The following CTSH variants were observed in gnomAD, a reference collection of about 807,000 sequenced individuals.
CTSH encodes the protein pro-cathepsin H.
In CTSH, 52 loss-of-function variants were observed where a neutral mutation model predicts 56.3. The observed-to-expected ratio is 0.92, with a 90% confidence interval of 0.74 to 1.16. The LOEUF is 1.16. Among genes scored for constraint, CTSH ranks in the 50% most tolerant of loss-of-function variants. The probability of loss-of-function intolerance (pLI) is 0.00; values close to 1 mark genes in which losing one functional copy is unlikely to be tolerated. For synonymous variants in CTSH, 174 were observed against 155.7 expected (o/e 1.12, Z -0.88); for missense variants, 406 against 424.5 (o/e 0.96, Z 0.38).
Position 78,937,410 on chromosome 15 carries a change from T to C in CTSH, c.137A>G (p.Tyr46Cys), listed in dbSNP as rs147145865. The change falls in exon 3 of 12, where the codon TAC becomes TGC. Residue 46 changes from tyrosine to cysteine, a missense_variant. By Grantham distance (194) the Tyr-to-Cys change is radical. Transcript: ENST00000220166. Reference sequence around the variant, plus strand: ...CCTGTGGTGGTACTCCTCCGTACTGTAGGTCTTACGGTGCTAAAACAAAAC... The same window carrying C: ...CCTGTGGTGGTACTCCTCCGTACTGCAGGTCTTACGGTGCTAAAACAAAAC... ...KSWMSKHRKT[Y>C]STEEYHHRLQ... 1 of 1,614,142 alleles carries C rather than the reference T, an allele frequency of 6.2e-7. No individual in the cohort carries two copies. The highest frequency in any genetic ancestry group is 1.1e-5 in the South Asian group (1 of 91,084).
At position 78,944,687 on chromosome 15, in the gene CTSH, G is replaced by A. The variant is rs539310952; in HGVS notation, c.91+204C>T. ...GGACACTCAGCCCATCTGCTCCTCT[G>A]GTCCTACAAGCCGCCCACCCTCCGA... On this transcript the variant is annotated intron_variant, in intron 1 of 11. Coordinates refer to ENST00000220166, the MANE Select transcript of CTSH (RefSeq NM_004390.5). The A allele has an allele frequency of 5.9e-5, 59 of 997,072 alleles. No homozygotes were observed. The South Asian group carries it at 1.2e-3, about 21-fold the overall frequency. 61.8% of individuals were successfully genotyped at this position (997,072 alleles called of 1,614,324 possible). A position where few individuals can be genotyped will look rare whatever the true frequency, so the allele number is the denominator to read the frequency against.
intron 1 of CTSH, among the ~76,000 whole-genome samples, chr15:78,943,393 C>A (rs1469148360): frequency 3.3e-5 from 5 of 152,066 alleles, no homozygotes; most frequent in Non-Finnish European, 7.4e-5. Flanking sequence ...CCACACCCAG[C>A]TAATTTTTGT....
At position 78,945,017 on chromosome 15, in the gene CTSH, C is replaced by G; in HGVS notation, c.-36G>C. 2.7e-6 allele frequency: 4 copies of G among 1,495,154 alleles called. No individual in the cohort carries two copies. In the South Asian group the frequency reaches 5.0e-5, roughly 19 times the overall value. 92.6% of individuals were successfully genotyped at this position (1,495,154 alleles called of 1,614,324 possible). A position where few individuals can be genotyped will look rare whatever the true frequency, so the allele number is the denominator to read the frequency against. ...GCGGCTTGGCTCTTGCGCTCAGGGT[C>G]CGCGGAGGTGGCGGCCCAGAGCGTC... On this transcript the variant is annotated 5_prime_UTR_variant, in exon 1 of 12. Transcript: ENST00000220166.
intron 7 of CTSH, 95 bp from the exon 8 acceptor site, chr15:78,929,588 G>C (rs992876997): frequency 1.3e-6 from 1 of 792,404 alleles, no homozygotes; most frequent in Non-Finnish European, 2.0e-6. Flanking sequence ...GGCCTGGCAG[G>C]CTGGGGACTT....
intron 10 of CTSH, among the ~76,000 whole-genome samples, chr15:78,923,840 C>A (rs1319993989): frequency 6.6e-6 from 1 of 152,140 alleles, no homozygotes; most frequent in Non-Finnish European, 1.5e-5. Flanking sequence ...AGTGAACTAG[C>A]CTCCATAAGG....
intron 7 of CTSH, among the ~76,000 whole-genome samples, chr15:78,930,443 G>T (rs1248504977): frequency 6.6e-6 from 1 of 151,930 alleles, no homozygotes; most frequent in African/African-American, 2.4e-5. Flanking sequence ...AGGAGAATGG[G>T]GTGAACCCGG....
At chr15:78,941,367 G>A (rs934202207) in intron 1 of CTSH, among the ~76,000 whole-genome samples, 2 of 125,314 alleles carry the variant, frequency 1.6e-5, no homozygotes, top group Non-Finnish European at 3.2e-5. Flanking sequence ...AGAGGTTGCA[G>A]TAGCCAAGAT....
chr15:78,929,445 G>C lies in CTSH; in HGVS notation c.597C>G (p.Ile199Met). 1.2e-6 allele frequency: 2 copies of C among 1,612,574 alleles called. No individual in the cohort carries two copies. Among genetic ancestry groups the C allele is most frequent in the South Asian group, 2.2e-5 (2 of 90,820 alleles). The stretch of plus-strand genomic sequence containing the variant: ...GGTAGGGGTAGGTGTCTTCACCCAT[G>C]ATCCCCTTGTTGTACAGGATATACT... ...AFEYILYNKG[I>M]MGEDTYPYQG... The change falls in exon 8 of 12, where the codon ATC becomes ATG. Residue 199 changes from isoleucine to methionine, a missense_variant. By Grantham distance (10) the Ile-to-Met change is conservative (BLOSUM62 1). Coordinates refer to ENST00000220166, the MANE Select transcript of CTSH (RefSeq NM_004390.5).
At position 78,939,146 on chromosome 15, in the gene CTSH, C is replaced by T; in HGVS notation, c.117G>A (p.Met39Ile). 11 of 1,596,222 alleles carry T rather than the reference C, an allele frequency of 6.9e-6. No homozygotes were observed. The highest frequency in any genetic ancestry group is 3.5e-5 in the South Asian group (3 of 86,230). The change falls in exon 2 of 12, where the codon ATG becomes ATA. Residue 39 changes from methionine to isoleucine, a missense_variant. Transcript: ENST00000220166. Reference sequence around the variant, plus strand: ...GAAGAAGTTGGGCACTGACCTTAGACATCCATGACTTGAAGTGAAACTTCT... The same window carrying T: ...GAAGAAGTTGGGCACTGACCTTAGATATCCATGACTTGAAGTGAAACTTCT... The part of the protein sequence containing the change: ...SLEKFHFKSW[M>I]SKHRKTYSTE...
At chr15:78,934,828 CAAAG>C (rs2141543007) in intron 5 of CTSH, 146 bp downstream of exon 5, 1 of 715,448 alleles carries the variant, frequency 1.4e-6, no homozygotes, top group Non-Finnish European at 2.6e-6. Context: ...CCTGGCCCCT[CAAAG>C]GAAGAGGGCT....
At chr15:78,931,733 G>A (rs369781131) in intron 6 of CTSH, 2 of 1,432,656 alleles carry the variant, frequency 1.4e-6, no homozygotes, top group South Asian at 1.5e-5. Flanking sequence ...GGGGCAGCCA[G>A]GGAAGGTGAG....
At chr15:78,925,596 G>T (rs1192894683) in intron 9 of CTSH, 156 bp from the exon 10 acceptor site, 1 of 582,280 alleles carries the variant, frequency 1.7e-6, no homozygotes, top group Admixed American at 2.6e-5. Flanking sequence ...CCTGTCTCTG[G>T]CTGGGTCTGT....
At position 78,929,385 on chromosome 15, in the gene CTSH, A is replaced by C. The variant is rs182541565; in HGVS notation, c.630+27T>G. ...AAGCTAGGCATGCTGTACGCCAAGA[A>C]GACAGAGTGGAGGCTGTTGGAGTTA... On this transcript the variant is annotated intron_variant, in intron 8 of 11. Coordinates refer to ENST00000220166, the MANE Select transcript of CTSH (RefSeq NM_004390.5). The C allele has an allele frequency of 7.1e-5, 112 of 1,579,824 alleles. 1 individual carries two copies. In the Admixed American group the frequency reaches 1.8e-3, roughly 26 times the overall value.
chr15:78,931,805 T>A (rs1194290824), intron 6 of CTSH: 33 of 1,341,626 alleles, frequency 2.5e-5, no homozygotes, highest in Non-Finnish European at 3.2e-5. Flanking sequence ...CGATGCAGAG[T>A]GTGGGGTCCC....
intron 1 of CTSH, 150 bp downstream of exon 1, chr15:78,944,741 C>A (rs1192427243): frequency 1.0e-5 from 14 of 1,338,484 alleles, no homozygotes; most frequent in Non-Finnish European, 3.9e-6. Context: ...CAGTTTACCC[C>A]TCCCCGTGCC....
intron 9 of CTSH, chr15:78,926,185 G>A (rs1427714717): frequency 6.6e-6 from 1 of 152,412 alleles, no homozygotes; most frequent in Non-Finnish European, 1.5e-5. Flanking sequence ...CTGTGCTGAG[G>A]CCAGGGCCCT....
chr15:78,944,745 C>T, intron 1 of CTSH, 146 bp downstream of exon 1: 2 of 1,344,354 alleles, frequency 1.5e-6, no homozygotes, highest in South Asian at 1.8e-5. Flanking sequence ...TTACCCCTCC[C>T]CGTGCCAGCA....
chr15:78,925,771 C>T (rs899499947), intron 9 of CTSH: 1 of 255,250 alleles, frequency 3.9e-6, no homozygotes, highest in Non-Finnish European at 7.9e-6. Flanking sequence ...CCCATAAACC[C>T]AGAGTCTACA....
chr15:78,935,355 T>G (rs2055153615), intron 4 of CTSH, among the ~76,000 whole-genome samples: 1 of 152,252 alleles, frequency 6.6e-6, no homozygotes, highest in South Asian at 2.1e-4. Context: ...AACAAATAAC[T>G]TTGTAGTGTA....
Sources: gnomAD v4.1 joint callset for allele counts (sites outside exome capture counted in the v4.1 genomes callset) on GRCh38, gnomAD v4.1.1 for gene constraint, MANE v1.5 for transcripts, NCBI Gene and HGNC (gene_info 2026-07-23, HGNC 2026-07-21) for gene names.